Variants in ACSF3 observed in about 807,000 individuals in gnomAD.
ACSF3 encodes malonate--CoA ligase ACSF3, mitochondrial.
In ACSF3, 78 loss-of-function variants were observed where a neutral mutation model predicts 53.2. That is an observed-to-expected ratio of 1.47 (90% confidence interval 1.22 to 1.77). The LOEUF (loss-of-function observed/expected upper bound fraction) is 1.77. Among genes scored for constraint, ACSF3 ranks in the 40% most tolerant of loss-of-function variants. The pLI, the probability that ACSF3 is intolerant of heterozygous loss-of-function variation, is 0.00. For synonymous variants in ACSF3, 414 were observed against 333.1 expected (o/e 1.24, Z -2.65); for missense variants, 937 against 771.1 (o/e 1.22, Z -2.55).
intron 4 of ACSF3, among the ~76,000 whole-genome samples, chr16:89,105,733 G>A (rs1051878399): frequency 8.5e-5 from 13 of 152,366 alleles, no homozygotes; most frequent in African/African-American, 2.9e-4. Context: ...AGGCAGCAAC[G>A]GCCATTGTCG....
intron 2 of ACSF3, 27 bp from the exon 3 acceptor site, chr16:89,100,635 C>G (rs1263737683): frequency 1.3e-6 from 1 of 757,230 alleles, no homozygotes. Context: ...GTTGGGCACT[C>G]ACGTCCTGTG....
chr16:89,146,772 C>T (rs903388569), intron 10 of ACSF3, among the ~76,000 whole-genome samples: 7 of 152,200 alleles, frequency 4.6e-5, no homozygotes, highest in African/African-American at 1.7e-4. Context: ...TTTCTCCCAC[C>T]TGTCTCACCC....
chr16:89,113,827 G>C (rs1212719128), intron 5 of ACSF3: 2 of 255,830 alleles, frequency 7.8e-6, no homozygotes, highest in African/African-American at 4.5e-5. Flanking sequence ...GAGCCCCTTG[G>C]GTGTGCCCGG....
chr16:89,151,491 G>A (rs760032116), intron 10 of ACSF3: 22 of 269,638 alleles, frequency 8.2e-5, no homozygotes, highest in African/African-American at 1.8e-4. Context: ...TAAACAAAAC[G>A]TTAGCAAATT....
intron 7 of ACSF3, among the ~76,000 whole-genome samples, chr16:89,121,247 G>A (rs1006508145): frequency 6.6e-6 from 1 of 152,254 alleles, no homozygotes. Context: ...TTGGCTAAGC[G>A]GAAGAGATAA....
At chr16:89,151,659 TG>T (rs1914104934) in intron 10 of ACSF3, 1 of 185,062 alleles carries the variant, frequency 5.4e-6, no homozygotes, top group Non-Finnish European at 1.1e-5. Context: ...CAGGCTGGAG[TG>T]CAGTGGCACG....
chr16:89,110,583 A>G (rs957514660), intron 4 of ACSF3, among the ~76,000 whole-genome samples: 3 of 152,136 alleles, frequency 2.0e-5, no homozygotes, highest in Admixed American at 2.0e-4. Flanking sequence ...TGGAGTTGGG[A>G]ACTGTGTGTT....
chr16:89,106,790 A>G (rs1411560722), intron 4 of ACSF3, among the ~76,000 whole-genome samples: 1 of 152,198 alleles, frequency 6.6e-6, no homozygotes, highest in Non-Finnish European at 1.5e-5. Context: ...GTGACCAGAC[A>G]CCTGCGGTGG....
chr16:89,141,248 T>TTCCCCTTGGCAAAGGCAC (rs1261855970), intron 8 of ACSF3: 3 of 1,287,260 alleles, frequency 2.3e-6, no homozygotes, highest in Middle Eastern at 3.3e-4. Flanking sequence ...CCAGCCACTT[T>TTCCCCTTGGCAAAGGCAC]TCCCCTTGGC....
chr16:89,127,209 G>A (rs1390592888), intron 7 of ACSF3, among the ~76,000 whole-genome samples: 1 of 152,104 alleles, frequency 6.6e-6, no homozygotes, highest in Non-Finnish European at 1.5e-5. Flanking sequence ...GGTTGTGTTT[G>A]AGGGTGATGC....
chr16:89,120,276 C>T (rs546874712), intron 6 of ACSF3, among the ~76,000 whole-genome samples: 119 of 152,334 alleles, frequency 7.8e-4, no homozygotes, highest in Non-Finnish European at 1.4e-3. Flanking sequence ...GTGTGGTCCA[C>T]CTGCCATGCA....
intron 7 of ACSF3, among the ~76,000 whole-genome samples, chr16:89,123,090 G>C (rs1180598136): frequency 6.6e-6 from 1 of 152,168 alleles, no homozygotes; most frequent in East Asian, 1.9e-4. Flanking sequence ...CTGACAGCAG[G>C]CCCGGGAACA....
At chr16:89,099,457 C>T (rs577478612) in intron 2 of ACSF3, among the ~76,000 whole-genome samples, 20 of 152,272 alleles carry the variant, frequency 1.3e-4, no homozygotes, top group African/African-American at 4.6e-4. Context: ...ACCTAAAACA[C>T]GTTTTCTAGC....
intron 4 of ACSF3, among the ~76,000 whole-genome samples, chr16:89,105,704 A>G (rs1975892081): frequency 6.6e-6 from 1 of 152,178 alleles, no homozygotes. Context: ...TGGCTGGTCT[A>G]CCATGGTCAC....
At chr16:89,131,538 T>C (rs1040669903) in intron 7 of ACSF3, among the ~76,000 whole-genome samples, 3 of 152,242 alleles carry the variant, frequency 2.0e-5, no homozygotes, top group Admixed American at 2.0e-4. Context: ...AGTAACTTTG[T>C]ATTGTACCCT....
At chr16:89,119,892 G>A (rs1010562112) in intron 6 of ACSF3, among the ~76,000 whole-genome samples, 1 of 152,230 alleles carries the variant, frequency 6.6e-6, no homozygotes, top group African/African-American at 2.4e-5. Context: ...CCCTTGAAGT[G>A]CCGGAAATCT....
Position 89,094,524 on chromosome 16 carries a change from C to T in ACSF3, c.-194+528C>T, listed in dbSNP as rs553422210. 4.6e-5 allele frequency among the ~76,000 whole-genome samples: 7 copies of T among 152,268 alleles called. No individual in the cohort carries two copies. In the South Asian group the frequency reaches 6.2e-4, roughly 14 times the overall value. On this transcript the variant is annotated intron_variant, in intron 1 of 10. Transcript: ENST00000614302. ...TGGAAGGTACTGCAGGCAGCCCATT[C>T]CCTGGAGAGAGGGAAGGTTTAAAGG... is the stretch of plus-strand genomic sequence containing the variant.
intron 4 of ACSF3, among the ~76,000 whole-genome samples, chr16:89,107,392 A>G (rs1413670001): frequency 6.6e-6 from 1 of 151,666 alleles, no homozygotes; most frequent in Non-Finnish European, 1.5e-5. Context: ...ATCCTGCTAC[A>G]CGCATGCTCT....
intron 4 of ACSF3, among the ~76,000 whole-genome samples, chr16:89,107,242 C>T (rs1976101376): frequency 6.6e-6 from 1 of 152,182 alleles, no homozygotes. Context: ...CTCTCAGTGC[C>T]CTTCTTTAGG....
Sources: allele counts gnomAD v4.1 joint callset (sites outside exome capture counted in the v4.1 genomes callset), GRCh38; gene constraint gnomAD v4.1.1; transcripts MANE v1.5; gene names NCBI Gene and HGNC (gene_info 2026-07-23, HGNC 2026-07-21).